The following PDE1C variants were observed in gnomAD, a reference collection of about 807,000 sequenced individuals.
PDE1C encodes phosphodiesterase 1C, also known as dual specificity calcium/calmodulin-dependent 3',5'-cyclic nucleotide phosphodiesterase 1C.
A neutral mutation model predicts 93.1 loss-of-function variants in PDE1C; 62 were observed. The ratio of observed to expected loss-of-function variants is 0.67; its 90% CI spans 0.54 to 0.82. The LOEUF is 0.82. Ranked by LOEUF, PDE1C falls within the 40% of genes least tolerant of loss-of-function variation. The pLI is 0.00. For synonymous variants in PDE1C, 325 were observed against 310.1 expected (o/e 1.05, Z -0.50); for missense variants, 742 against 884.6 (o/e 0.84, Z 2.04).
intron 2 of PDE1C, among the ~76,000 whole-genome samples, chr7:31,910,002 T>C (rs1376898086): frequency 6.6e-6 from 1 of 152,196 alleles, no homozygotes; most frequent in Non-Finnish European, 1.5e-5. Context: ...CAACTAAAAA[T>C]GTTTCCAGAC....
chr7:31,914,918 G>A (rs923189014), intron 2 of PDE1C, among the ~76,000 whole-genome samples: 2 of 152,148 alleles, frequency 1.3e-5, no homozygotes, highest in Non-Finnish European at 1.5e-5. Flanking sequence ...CCACTTATGC[G>A]ACAATGATGT....
intron 2 of PDE1C, among the ~76,000 whole-genome samples, chr7:32,182,551 C>T (rs1310874063): frequency 6.6e-6 from 1 of 152,164 alleles, no homozygotes; most frequent in Non-Finnish European, 1.5e-5. Flanking sequence ...ATAAAAACCA[C>T]ATGGTTATCT....
At chr7:32,062,941 T>C (rs1038023676) in intron 1 of PDE1C, among the ~76,000 whole-genome samples, 7 of 152,234 alleles carry the variant, frequency 4.6e-5, no homozygotes, top group African/African-American at 1.7e-4. Context: ...TGATTCTCTT[T>C]AGTTTTTTCA....
chr7:32,317,794 G>C (rs1294411192), intron 1 of PDE1C, among the ~76,000 whole-genome samples: 1 of 152,138 alleles, frequency 6.6e-6, no homozygotes, highest in African/African-American at 2.4e-5. Flanking sequence ...CTGTTGTGAG[G>C]ACTAAGTGAC....
At chr7:32,055,847 G>A (rs1794009243) in intron 1 of PDE1C, among the ~76,000 whole-genome samples, 1 of 152,138 alleles carries the variant, frequency 6.6e-6, no homozygotes, top group South Asian at 2.1e-4. Context: ...CAGCCTCTGA[G>A]TAGCTGGGAT....
chr7:32,367,947 T>TA (rs545829754), intron 1 of PDE1C, among the ~76,000 whole-genome samples: 45 of 144,362 alleles, frequency 3.1e-4, no homozygotes, highest in Middle Eastern at 3.5e-3. Flanking sequence ...TATCTCTAGT[T>TA]AAAAAAAAAA....
At chr7:32,320,439 T>C (rs1783266423) in intron 1 of PDE1C, among the ~76,000 whole-genome samples, 1 of 152,042 alleles carries the variant, frequency 6.6e-6, no homozygotes, top group African/African-American at 2.4e-5. Flanking sequence ...GGGTGATCTG[T>C]GCGGCAAACC....
At position 32,282,620 on chromosome 7, in the gene PDE1C, C is replaced by T. The variant is rs796806860; in HGVS notation, c.85+16031G>A. Among the ~76,000 whole-genome samples, 723 of 110,810 alleles carry T rather than the reference C, an allele frequency of 6.5e-3. 5 individuals carry two copies. Among genetic ancestry groups the T allele is most frequent in the African/African-American group, 0.024 (682 of 28,404 alleles). The allele number at this position is 110,810 out of a possible 152,430, so 72.7% of individuals were successfully genotyped here. A position where few individuals can be genotyped will look rare whatever the true frequency, so the allele number is the denominator to read the frequency against. ...TTTTTGAGACGGAGTCTCTCTCTGT[C>T]GCCCAGGCTGGAATGCAATGGCACG... On this transcript the variant is annotated intron_variant, in intron 1 of 18. Coordinates refer to the PDE1C transcript ENST00000396193.
At chr7:31,844,392 C>A (rs1410664132) in intron 9 of PDE1C, among the ~76,000 whole-genome samples, 1 of 151,698 alleles carries the variant, frequency 6.6e-6, no homozygotes. Context: ...AATTTTATTT[C>A]ATCTTCATTC....
chr7:31,865,258 A>C (rs936601095), intron 6 of PDE1C, among the ~76,000 whole-genome samples, 176 bp from the exon 7 acceptor site: 2 of 152,224 alleles, frequency 1.3e-5, no homozygotes, highest in Admixed American at 1.3e-4. Context: ...AAAATCTAAC[A>C]GGAAGTCCTT....
At chr7:31,819,199 G>A (rs1788649523) in intron 14 of PDE1C, among the ~76,000 whole-genome samples, 1 of 152,066 alleles carries the variant, frequency 6.6e-6, no homozygotes, top group African/African-American at 2.4e-5. Context: ...TCACATCTCT[G>A]AGATAGCTGA....
chr7:31,984,468 C>A (rs1247919852), intron 2 of PDE1C, among the ~76,000 whole-genome samples: 1 of 152,198 alleles, frequency 6.6e-6, no homozygotes, highest in Non-Finnish European at 1.5e-5. Context: ...TCACCACCCA[C>A]AGTGCCTCAA....
chr7:31,870,201 A>T (rs1417767003), intron 6 of PDE1C, among the ~76,000 whole-genome samples: 2 of 152,164 alleles, frequency 1.3e-5, no homozygotes, highest in African/African-American at 2.4e-5. Context: ...TGAAAAAGAA[A>T]GCAATATCAA....
chr7:31,972,378 C>G (rs1184000649), intron 2 of PDE1C, among the ~76,000 whole-genome samples: 1 of 152,186 alleles, frequency 6.6e-6, no homozygotes, highest in Non-Finnish European at 1.5e-5. Context: ...CCCACTTTCT[C>G]TCTGAGAAAT....
chr7:31,838,113 T>G lies in PDE1C; in HGVS notation c.981-142A>C. 4.7e-6 allele frequency: 3 copies of G among 634,608 alleles called. No homozygotes were observed. The South Asian group carries it at 5.7e-5, about 12-fold the overall frequency. 39.3% of individuals were successfully genotyped at this position (634,608 alleles called of 1,614,324 possible). On this transcript the variant is annotated intron_variant, in intron 9 of 17. Coordinates refer to ENST00000396191, the MANE Select transcript of PDE1C (RefSeq NM_001191057.4). ...TCTAATTTGGGTCTTTAAGGTGAGC[T>G]TTTCAAATAAGGAATAAATGAAAGC...
At chr7:31,885,415 T>G (rs1797747810) in intron 2 of PDE1C, among the ~76,000 whole-genome samples, 1 of 152,202 alleles carries the variant, frequency 6.6e-6, no homozygotes, top group African/African-American at 2.4e-5. Flanking sequence ...AGTGTGCAAT[T>G]TCATTGTGGA....
chr7:31,692,606 A>G, the PDE1C span: 2 of 1,331,800 alleles, frequency 1.5e-6, 1 homozygote, highest in South Asian at 2.4e-5. Flanking sequence ...GGCAAGTCAG[A>G]GAGAGGGCAC....
intron 15 of PDE1C, among the ~76,000 whole-genome samples, 185 bp downstream of exon 15, chr7:31,815,739 C>T (rs1422183955): frequency 1.3e-5 from 2 of 152,100 alleles, no homozygotes; most frequent in Admixed American, 6.6e-5. Context: ...GAGGATGGCA[C>T]AGGTGAGCTG....
chr7:31,768,464 A>G (rs1187345243), intron 17 of PDE1C, among the ~76,000 whole-genome samples: 1 of 152,188 alleles, frequency 6.6e-6, no homozygotes, highest in Non-Finnish European at 1.5e-5. Flanking sequence ...TTAACATATG[A>G]ATTTGGTGGG....
Sources: allele counts gnomAD v4.1 joint callset (sites outside exome capture counted in the v4.1 genomes callset), GRCh38; gene constraint gnomAD v4.1.1; transcripts MANE v1.5; gene names NCBI Gene and HGNC (gene_info 2026-07-23, HGNC 2026-07-21).